Variants in RPS6KA6 observed in about 807,000 individuals in gnomAD.
RPS6KA6 encodes ribosomal protein S6 kinase alpha-6.
Under a neutral mutation model 65.4 loss-of-function variants are expected in RPS6KA6, and 27 were observed. That is an observed-to-expected ratio of 0.41 (90% confidence interval 0.30 to 0.57). The LOEUF (loss-of-function observed/expected upper bound fraction) is 0.57, where lower values mean the gene tolerates loss of function less well. RPS6KA6 is among the 20% of genes least tolerant of loss of function. RPS6KA6 has a pLI of 0.24. For missense variants in RPS6KA6, 486 were observed against 555.6 expected (o/e 0.87, Z 1.26); for synonymous variants, 190 against 184.2 (o/e 1.03, Z -0.26).
At chrX:84,087,898 A>T (rs1445080124) in intron 20 of RPS6KA6, among the ~76,000 whole-genome samples, 2 of 111,882 alleles carry the variant, frequency 1.8e-5, no homozygotes, top group Non-Finnish European at 3.8e-5. Context: ...TTATTTCAGA[A>T]AGATAGTCTT....
intron 8 of RPS6KA6, among the ~76,000 whole-genome samples, chrX:84,130,630 C>T (rs2034879288): frequency 9.0e-6 from 1 of 111,540 alleles, no homozygotes; most frequent in Admixed American, 9.5e-5. Flanking sequence ...AATGGATAAA[C>T]AAATCATGGT....
chrX:84,132,635 A>G (rs1029129936), intron 8 of RPS6KA6, among the ~76,000 whole-genome samples: 1 of 106,953 alleles, frequency 9.3e-6, no homozygotes, highest in Non-Finnish European at 1.9e-5. Flanking sequence ...TATGAAAAGG[A>G]TGCAGGATTT....
intron 2 of RPS6KA6, 53 bp downstream of exon 2, chrX:84,164,275 C>A: frequency 1.1e-6 from 1 of 936,964 alleles, no homozygotes; most frequent in Non-Finnish European, 1.5e-6. Context: ...TCCCTGTATT[C>A]TTTTTCCTTA....
intron 2 of RPS6KA6, 113 bp downstream of exon 2, chrX:84,164,214 CT>C (rs1490758154): frequency 1.8e-6 from 1 of 555,566 alleles, no homozygotes; most frequent in African/African-American, 2.4e-5. Flanking sequence ...ATTCCATTTG[CT>C]TATTACCAAC....
At chrX:84,078,066 G>T (rs1304713009) in intron 20 of RPS6KA6, among the ~76,000 whole-genome samples, 1 of 111,713 alleles carries the variant, frequency 9.0e-6, no homozygotes, top group East Asian at 2.8e-4. Flanking sequence ...ACACTTAAGA[G>T]AATTAAGAGA....
At chrX:84,166,132 CA>C (rs1393880588) in intron 1 of RPS6KA6, among the ~76,000 whole-genome samples, 4 of 112,113 alleles carry the variant, frequency 3.6e-5, no homozygotes, top group Admixed American at 9.5e-5. Context: ...CAATGAGTGG[CA>C]CATGCAGAGT....
intron 8 of RPS6KA6, 34 bp downstream of exon 8, chrX:84,134,748 A>G (rs771942368): frequency 1.1e-6 from 1 of 945,569 alleles, no homozygotes; most frequent in South Asian, 2.4e-5. Context: ...ATATGAATCA[A>G]GTGGCTAAGG....
At chrX:84,087,802 G>A (rs977369221) in intron 20 of RPS6KA6, among the ~76,000 whole-genome samples, 3 of 111,627 alleles carry the variant, frequency 2.7e-5, no homozygotes, top group Non-Finnish European at 5.6e-5. Context: ...CCAATCAGTT[G>A]GAGGCTTGGT....
At chrX:84,185,755 ACT>A (rs1464271471) in intron 1 of RPS6KA6, among the ~76,000 whole-genome samples, 1 of 111,360 alleles carries the variant, frequency 9.0e-6, no homozygotes, top group Non-Finnish European at 1.9e-5. Flanking sequence ...CAACAAAAAC[ACT>A]CTTAGTCCTA....
At chrX:84,154,492 A>C (rs779740213) in intron 3 of RPS6KA6, among the ~76,000 whole-genome samples, 7 of 111,871 alleles carry the variant, frequency 6.3e-5, no homozygotes, top group Non-Finnish European at 1.3e-4. Context: ...TCTGGAATAT[A>C]AAATAACTTC....
At chrX:84,157,539 G>A (rs1471907685) in intron 2 of RPS6KA6, among the ~76,000 whole-genome samples, 1 of 110,755 alleles carries the variant, frequency 9.0e-6, no homozygotes, top group Non-Finnish European at 1.9e-5. Flanking sequence ...CTATATTAAA[G>A]TATAATATAT....
chrX:84,129,667 T>C (rs1467396917), intron 8 of RPS6KA6, among the ~76,000 whole-genome samples: 2 of 111,652 alleles, frequency 1.8e-5, no homozygotes, highest in South Asian at 7.4e-4. Context: ...TATTCATCCA[T>C]AAAAAAGAGT....
intron 3 of RPS6KA6, among the ~76,000 whole-genome samples, chrX:84,148,598 A>C (rs2035242478): frequency 9.0e-6 from 1 of 111,428 alleles, no homozygotes; most frequent in African/African-American, 3.3e-5. Flanking sequence ...GTAAGAGATA[A>C]ATAACATAAT....
Position 84,062,986 on chromosome X carries a change from G to A in RPS6KA6, c.*1291C>T, listed in dbSNP as rs1164576741. The A allele has an allele frequency of 1.8e-5, 2 of 109,977 alleles. No homozygotes were observed. Among genetic ancestry groups the A allele is most frequent in the Admixed American group, 9.8e-5 (1 of 10,183 alleles). The allele number at this position is 109,977 out of a possible 1,213,427, so 9.1% of individuals were successfully genotyped here. On this transcript the variant is annotated 3_prime_UTR_variant, in exon 22 of 22. Transcript: ENST00000262752. Reference sequence around the variant, plus strand: ...TAGCTGCTGCTGTTGTTGTAGCAACGGTATTTTCTTCAACAACGTGAAATG... The same window carrying A: ...TAGCTGCTGCTGTTGTTGTAGCAACAGTATTTTCTTCAACAACGTGAAATG...
intron 1 of RPS6KA6, among the ~76,000 whole-genome samples, chrX:84,184,174 T>C (rs1378207574): frequency 8.9e-6 from 1 of 112,644 alleles, no homozygotes; most frequent in South Asian, 3.6e-4. Context: ...ACCCTATCTG[T>C]GATTACAAAC....
rs769202118 is a variant in RPS6KA6, at chrX:84,178,390, T to C, written c.81+9429A>G. Among the ~76,000 whole-genome samples the C allele has an allele frequency of 8.0e-5, 9 of 111,962 alleles. No individual in the cohort carries two copies. The South Asian group carries it at 3.3e-3, about 41-fold the overall frequency. On this transcript the variant is annotated intron_variant, in intron 1 of 21. Transcript: ENST00000262752. Reference sequence around the variant, plus strand: ...TAGCACCATTAGGTTTCCTCATCTATAAAAGGGTCTAAGAACAGTCACTTA... The same window carrying C: ...TAGCACCATTAGGTTTCCTCATCTACAAAAGGGTCTAAGAACAGTCACTTA...
In RPS6KA6 at chrX:84,061,258, T is replaced by C. The variant is rs1275199113; in HGVS notation, c.*3019A>G. 1 of 112,181 alleles carries C rather than the reference T, an allele frequency of 8.9e-6. No homozygotes were observed. Among genetic ancestry groups the C allele is most frequent in the East Asian group, 2.8e-4 (1 of 3,572 alleles). 9.2% of individuals were successfully genotyped at this position (112,181 alleles called of 1,213,427 possible). ...TATCTAGAAAATACTAGTCAATCTG[T>C]ATGGAAGTTTCTCTGGGCAGTACTA... is the stretch of plus-strand genomic sequence containing the variant. On this transcript the variant is annotated 3_prime_UTR_variant, in exon 22 of 22. Transcript: ENST00000262752.
At chrX:84,153,645 T>A (rs768121213) in intron 3 of RPS6KA6, among the ~76,000 whole-genome samples, 1 of 111,623 alleles carries the variant, frequency 9.0e-6, no homozygotes, top group Non-Finnish European at 1.9e-5. Context: ...GAAGAAAAAC[T>A]TAAGACTCTG....
chrX:84,086,477 T>C (rs1330581382), intron 20 of RPS6KA6, among the ~76,000 whole-genome samples: 1 of 111,906 alleles, frequency 8.9e-6, no homozygotes, highest in Non-Finnish European at 1.9e-5. Flanking sequence ...TGAGTAAATA[T>C]CTTAATCTTG....
Sources: allele counts gnomAD v4.1 joint callset (sites outside exome capture counted in the v4.1 genomes callset), GRCh38; gene constraint gnomAD v4.1.1; transcripts MANE v1.5; gene names NCBI Gene and HGNC (gene_info 2026-07-23, HGNC 2026-07-21).